The following FAM222B variants were observed in gnomAD, a reference collection of about 807,000 sequenced individuals.
FAM222B encodes the protein protein FAM222B.
In FAM222B, 12 loss-of-function variants were observed where a neutral mutation model predicts 38.0. That is an observed-to-expected ratio of 0.32 (90% CI 0.20 to 0.51). The LOEUF (loss-of-function observed/expected upper bound fraction) is 0.51. Ranked by LOEUF, FAM222B falls within the 20% of genes least tolerant of loss-of-function variation. FAM222B has a pLI of 0.97. For synonymous variants in FAM222B, 329 were observed against 317.2 expected (o/e 1.04, Z -0.40); for missense variants, 716 against 754.2 (o/e 0.95, Z 0.59).
At chr17:28,845,961 T>C (rs1328353105), upstream of FAM222B, among the ~76,000 whole-genome samples, 4 of 150,188 alleles carry the variant, frequency 2.7e-5, no homozygotes, top group Admixed American at 6.7e-5. Context: ...CTCAGCACTT[T>C]GGGAGGCCAA....
chr17:28,842,259 C>T (rs1369640083), intron 1 of FAM222B, among the ~76,000 whole-genome samples: 1 of 152,102 alleles, frequency 6.6e-6, no homozygotes, highest in African/African-American at 2.4e-5. Context: ...AAGAGGGTTC[C>T]CGACTCCCAT....
chr17:28,798,368 G>GTT (rs1308716829), intron 1 of FAM222B, among the ~76,000 whole-genome samples: 3 of 152,044 alleles, frequency 2.0e-5, no homozygotes, highest in African/African-American at 7.2e-5. Flanking sequence ...GGCAAACAGA[G>GTT]TAAGACCCTG....
At chr17:28,784,879 T>C (rs1191974769) in intron 1 of FAM222B, among the ~76,000 whole-genome samples, 1 of 151,852 alleles carries the variant, frequency 6.6e-6, no homozygotes, top group Non-Finnish European at 1.5e-5. Context: ...GCCTTCTGAG[T>C]AGGTGGGACT....
chr17:28,838,077 C>A (rs2038911201), intron 1 of FAM222B, among the ~76,000 whole-genome samples: 2 of 151,490 alleles, frequency 1.3e-5, no homozygotes. Flanking sequence ...ACCAGACTGG[C>A]CAGCATGGTG....
intron 1 of FAM222B, among the ~76,000 whole-genome samples, chr17:28,838,449 G>C (rs972691941): frequency 6.6e-5 from 10 of 151,130 alleles, no homozygotes; most frequent in Admixed American, 6.6e-4. Context: ...GCGTGGTGAC[G>C]GGCACCTGTA....
At chr17:28,793,209 T>G (rs1466279645) in intron 1 of FAM222B, among the ~76,000 whole-genome samples, 1 of 152,160 alleles carries the variant, frequency 6.6e-6, no homozygotes, top group Non-Finnish European at 1.5e-5. Context: ...GTGCTGGGAT[T>G]GCAGTTGTGA....
chr17:28,759,807 T>G lies in FAM222B; in HGVS notation c.152A>C (p.Lys51Thr), dbSNP rs757434071. The G allele has an allele frequency of 6.2e-7, 1 of 1,604,998 alleles. No individual in the cohort carries two copies. Among genetic ancestry groups the G allele is most frequent in the East Asian group, 2.2e-5 (1 of 44,604 alleles). ...TATAGTCAGTGGGTTGTTTGCGACC[T>G]TCTTAGCATACGCATCCAATTCGGC... Reference protein sequence around the residue: ...TPAELDAYAKKVANNPLTIKI... With the variant: ...TPAELDAYAKTVANNPLTIKI... Residue 51 changes from lysine (K) to threonine (T), a missense_variant, in exon 3 of 3, where the codon AAG (lysine) becomes ACG (threonine). Lys to Thr is a moderately conservative substitution (Grantham distance 78). Transcript: ENST00000581407. This position sits in a 1 kb window ranked among gnomAD's most constrained non-coding sequence, Gnocchi z 4.8.
intron 1 of FAM222B, among the ~76,000 whole-genome samples, chr17:28,790,006 G>C (rs565382150): frequency 6.6e-6 from 1 of 152,230 alleles, no homozygotes; most frequent in Non-Finnish European, 1.5e-5. Flanking sequence ...AGTTTGGGGA[G>C]TATTTATCTG....
At chr17:28,814,988 G>A (rs2151935221) in intron 1 of FAM222B, among the ~76,000 whole-genome samples, 1 of 150,522 alleles carries the variant, frequency 6.6e-6, no homozygotes, top group South Asian at 2.1e-4. Context: ...TGCCCAGGCT[G>A]ATCTCGAACT....
intron 1 of FAM222B, among the ~76,000 whole-genome samples, chr17:28,801,224 C>T (rs997018791): frequency 5.7e-4 from 84 of 146,452 alleles, no homozygotes; most frequent in African/African-American, 2.0e-3. Context: ...GAGGCCAAGG[C>T]GGGCGGATCA....
At chr17:28,783,565 T>C (rs1182331419) in intron 1 of FAM222B, among the ~76,000 whole-genome samples, 1 of 151,408 alleles carries the variant, frequency 6.6e-6, no homozygotes, top group African/African-American at 2.4e-5. Flanking sequence ...CAGGCTGGAG[T>C]GCAGTGGCAA....
rs552227249 is a variant in FAM222B, at chr17:28,849,063, C to T, written c.-41+5887G>A. On this transcript the variant is annotated intron_variant, in intron 1 of 2. Coordinates refer to the FAM222B transcript ENST00000577513. Reference sequence around the variant, plus strand: ...GATCACGAGGTTAGGAGATCGAGACCATCCTGGCTAACATGGTGAAATCTC... The same window carrying T: ...GATCACGAGGTTAGGAGATCGAGACTATCCTGGCTAACATGGTGAAATCTC... The T allele has an allele frequency of 9.9e-5, 15 of 152,144 alleles. 1 individual carries two copies. The South Asian group carries it at 1.2e-3, about 13-fold the overall frequency. 9.4% of individuals were successfully genotyped at this position (152,144 alleles called of 1,614,324 possible).
intron 1 of FAM222B, among the ~76,000 whole-genome samples, chr17:28,801,093 G>A (rs2151900202): frequency 6.6e-6 from 1 of 151,232 alleles, no homozygotes; most frequent in African/African-American, 2.4e-5. Flanking sequence ...GGAGGTGGAG[G>A]TTAAAGTGAG....
chr17:28,822,314 C>T (rs1283225632), intron 1 of FAM222B, among the ~76,000 whole-genome samples: 1 of 150,044 alleles, frequency 6.7e-6, no homozygotes, highest in Non-Finnish European at 1.5e-5. Context: ...CCACCACGCC[C>T]GGCCTAAAAG....
rs560462396 is a variant in FAM222B, at chr17:28,783,802, C to T, written c.-40-17095G>A. On this transcript the variant is annotated intron_variant, in intron 1 of 2. Coordinates refer to ENST00000581407, the MANE Select transcript of FAM222B (RefSeq NM_001077498.3). ...CTAGGATTATAGGTATGAGCCACTG[C>T]GCCCAGACTTTTTTGAGGCTGAGTC... Among the ~76,000 whole-genome samples, 23 of 150,882 alleles carry T rather than the reference C, an allele frequency of 1.5e-4. No individual in the cohort carries two copies. In the South Asian group the frequency reaches 2.5e-3, roughly 17 times the overall value.
intron 1 of FAM222B, among the ~76,000 whole-genome samples, chr17:28,853,134 A>G (rs1028992978): frequency 6.6e-6 from 1 of 151,118 alleles, no homozygotes; most frequent in Non-Finnish European, 1.5e-5. Context: ...TAGAGGTTGC[A>G]GTGAGCCAAG....
chr17:28,809,438 G>A (rs1184542634), intron 1 of FAM222B, among the ~76,000 whole-genome samples: 1 of 151,896 alleles, frequency 6.6e-6, no homozygotes, highest in Non-Finnish European at 1.5e-5. Flanking sequence ...TAAATCAACT[G>A]CTTTAACCTC....
chr17:28,780,731 A>T (rs2151838798), intron 1 of FAM222B, among the ~76,000 whole-genome samples: 1 of 152,130 alleles, frequency 6.6e-6, no homozygotes, highest in Admixed American at 6.5e-5. Flanking sequence ...AATATACACA[A>T]ATTAGGTGGT....
At chr17:28,837,893 T>C (rs553530199) in intron 1 of FAM222B, among the ~76,000 whole-genome samples, 1 of 152,202 alleles carries the variant, frequency 6.6e-6, no homozygotes, top group Admixed American at 6.5e-5. Flanking sequence ...CCTCAAATGA[T>C]CCACCCACCT....
Sources: allele counts gnomAD v4.1 joint callset (sites outside exome capture counted in the v4.1 genomes callset), GRCh38; gene constraint gnomAD v4.1.1; non-coding constraint Gnocchi (gnomAD v3.1); transcripts MANE v1.5; gene names NCBI Gene and HGNC (gene_info 2026-07-23, HGNC 2026-07-21).